PALLD: variants seen among roughly 807,000 people sequenced by gnomAD.
PALLD encodes palladin, cytoskeletal associated protein, also known as palladin.
Under a neutral mutation model 123.5 loss-of-function variants are expected in PALLD, and 61 were observed. The ratio of observed to expected loss-of-function variants is 0.49; its 90% CI spans 0.40 to 0.61. The LOEUF is 0.61. PALLD is among the 20% of genes least tolerant of loss of function. The probability of loss-of-function intolerance (pLI) is 0.00; values close to 1 mark genes in which losing one functional copy is unlikely to be tolerated. For synonymous variants in PALLD, 465 were observed against 496.4 expected, an observed-to-expected ratio of 0.94 and a Z score of 0.84; for missense variants, 1,273 against 1,377.0, an observed-to-expected ratio of 0.92 and a Z score of 1.20.
intron 9 of PALLD, among the ~76,000 whole-genome samples, chr4:168,710,129 C>T (rs10025551): frequency 0.54 from 81,968 of 151,974 alleles, 22,765 homozygotes; most frequent in African/African-American, 0.67. Flanking sequence ...TCAAATTTCA[C>T]TGATAGTCTG....
intron 10 of PALLD, among the ~76,000 whole-genome samples, chr4:168,806,320 T>G (rs953386988): frequency 2.0e-5 from 3 of 152,188 alleles, no homozygotes; most frequent in Non-Finnish European, 2.9e-5. Context: ...CACCTCCGTC[T>G]CCCAAAGTGC....
chr4:168,514,249 G>C (rs1762795173), intron 2 of PALLD, among the ~76,000 whole-genome samples: 1 of 152,138 alleles, frequency 6.6e-6, no homozygotes, highest in South Asian at 2.1e-4. Context: ...AAACTTCCCT[G>C]TATCTCTGAT....
chr4:168,863,357 T>C (rs1209543220), intron 10 of PALLD, among the ~76,000 whole-genome samples: 3 of 152,020 alleles, frequency 2.0e-5, no homozygotes, highest in Non-Finnish European at 4.4e-5. Context: ...TCCGCGCAGA[T>C]CTCACCCTCC....
intron 2 of PALLD, among the ~76,000 whole-genome samples, chr4:168,602,165 A>G (rs1457852199): frequency 6.6e-6 from 1 of 152,016 alleles, no homozygotes; most frequent in Non-Finnish European, 1.5e-5. Context: ...AGCGTCAAAA[A>G]CCCTTCAGGG....
intron 10 of PALLD, among the ~76,000 whole-genome samples, chr4:168,809,944 G>A (rs35114118): frequency 0.57 from 85,871 of 151,368 alleles, 25,047 homozygotes; most frequent in Non-Finnish European, 0.63. Context: ...TCAGGGAAGT[G>A]TTAATAGAAG....
intron 2 of PALLD, among the ~76,000 whole-genome samples, chr4:168,633,769 T>C (rs934308577): frequency 1.3e-5 from 2 of 152,198 alleles, no homozygotes; most frequent in African/African-American, 2.4e-5. Context: ...GCAATTATTG[T>C]AAGATGATGT....
intron 10 of PALLD, among the ~76,000 whole-genome samples, chr4:168,813,008 G>C (rs1741384783): frequency 1.3e-5 from 2 of 152,146 alleles, no homozygotes; most frequent in African/African-American, 4.8e-5. Context: ...GACCTCCCCA[G>C]AGGCAAATTG....
At chr4:168,922,375 C>T (rs945905626) in intron 18 of PALLD, among the ~76,000 whole-genome samples, 1 of 152,120 alleles carries the variant, frequency 6.6e-6, no homozygotes, top group African/African-American at 2.4e-5. Context: ...CATAACAAAA[C>T]ATTTATTTCT....
At chr4:168,854,171 CAT>C (rs1356162872) in intron 10 of PALLD, among the ~76,000 whole-genome samples, 8 of 79,512 alleles carry the variant, frequency 1.0e-4, no homozygotes, top group Admixed American at 8.3e-4. Flanking sequence ...GTCATTCATT[CAT>C]TCATTCATTC....
At chr4:168,778,455 T>C (rs1735471122) in intron 10 of PALLD, among the ~76,000 whole-genome samples, 1 of 152,180 alleles carries the variant, frequency 6.6e-6, no homozygotes, top group Non-Finnish European at 1.5e-5. Context: ...TTTAATAAAG[T>C]AGAGGCTTAA....
chr4:168,622,060 C>T (rs1197134027), intron 2 of PALLD, among the ~76,000 whole-genome samples: 1 of 152,154 alleles, frequency 6.6e-6, no homozygotes, highest in African/African-American at 2.4e-5. Context: ...TCACTCCTCG[C>T]ACCAGAGACC....
intron 10 of PALLD, among the ~76,000 whole-genome samples, chr4:168,875,214 G>A (rs1368482425): frequency 6.6e-6 from 1 of 151,814 alleles, no homozygotes; most frequent in Non-Finnish European, 1.5e-5. Context: ...AAAAAAAACG[G>A]AGAAACTAAA....
At chr4:168,588,889 G>C (rs1771118542) in intron 2 of PALLD, among the ~76,000 whole-genome samples, 1 of 151,638 alleles carries the variant, frequency 6.6e-6, no homozygotes, top group African/African-American at 2.4e-5. Context: ...CTTCTTTCAA[G>C]TATTCTCCTC....
At chr4:168,878,690 G>GT (rs1752198230) in intron 10 of PALLD, among the ~76,000 whole-genome samples, 1 of 149,908 alleles carries the variant, frequency 6.7e-6, no homozygotes, top group Non-Finnish European at 1.5e-5. Context: ...TATGGGGGGG[G>GT]GGGTGCTTAG....
intron 15 of PALLD, among the ~76,000 whole-genome samples, chr4:168,904,541 A>G (rs1420504696): frequency 6.6e-6 from 1 of 152,174 alleles, no homozygotes; most frequent in Non-Finnish European, 1.5e-5. Flanking sequence ...TTATTATGTT[A>G]TACATTTTAG....
rs749169270 is a variant in PALLD, at chr4:168,709,057, A to T, written c.1531A>T (p.Thr511Ser). Reference protein sequence around the residue: ...EEICTLVIAETFPEDAGIFTC... With the variant: ...EEICTLVIAESFPEDAGIFTC... ...GATTTGCACCCTAGTTATCGCTGAG[A>T]CTTTCCCTGAAGATGCAGGGATCTT... Residue 511 changes from threonine to serine, a missense_variant, in exon 9 of 22, where the codon ACT becomes TCT. Physicochemically the swap from Thr to Ser is moderately conservative, Grantham distance 58 (BLOSUM62 1). Around this residue, in one of 2 missense-constraint regions of PALLD, gnomAD observed 944 missense variants for 954.5 expected, o/e 0.99. Transcript: ENST00000505667. 1 of 1,613,250 alleles carries T rather than the reference A, an allele frequency of 6.2e-7. No individual in the cohort carries two copies. The highest frequency in any genetic ancestry group is 2.2e-5 in the East Asian group (1 of 44,856).
Position 168,696,048 on chromosome 4 carries a change from A to T in PALLD, c.1501+4756A>T, listed in dbSNP as rs574999871. On this transcript the variant is annotated intron_variant, in intron 8 of 21. Coordinates refer to ENST00000505667, the MANE Select transcript of PALLD (RefSeq NM_001166108.2). The stretch of plus-strand genomic sequence containing the variant: ...TCATAGCTTTTGAGCTTAAAAAAAA[A>T]ATCTCATAATGTTTTAGGAAAGTTT... Among the ~76,000 whole-genome samples the T allele has an allele frequency of 5.3e-5, 8 of 152,288 alleles. No homozygotes were observed. In the East Asian group the frequency reaches 9.7e-4, roughly 18 times the overall value.
chr4:168,858,031 A>C (rs1206371183), intron 10 of PALLD, among the ~76,000 whole-genome samples: 2 of 152,220 alleles, frequency 1.3e-5, no homozygotes, highest in Non-Finnish European at 2.9e-5. Context: ...ACTTCTGATG[A>C]GGGCAGCCCC....
chr4:168,569,188 G>A (rs1400021400), intron 2 of PALLD, among the ~76,000 whole-genome samples: 1 of 152,108 alleles, frequency 6.6e-6, no homozygotes, highest in South Asian at 2.1e-4. Context: ...CTTATCTGCA[G>A]AGGACAGGTT....
Sources: allele counts gnomAD v4.1 joint callset (sites outside exome capture counted in the v4.1 genomes callset), GRCh38; gene constraint gnomAD v4.1.1; regional missense constraint gnomAD v4.1.1; transcripts MANE v1.5; gene names NCBI Gene and HGNC (gene_info 2026-07-23, HGNC 2026-07-21).